PUM2: variants seen among roughly 807,000 people sequenced by gnomAD.
PUM2 encodes the protein pumilio homolog 2.
In PUM2, 57 loss-of-function variants were observed where a neutral mutation model predicts 124.5. That is an observed-to-expected ratio of 0.46 (90% confidence interval 0.37 to 0.57). The LOEUF is 0.57. Ranked by LOEUF, PUM2 falls within the 20% of genes least tolerant of loss-of-function variation. PUM2 has a pLI of 0.00. For missense variants in PUM2, 1,065 were observed against 1,290.6 expected, an observed-to-expected ratio of 0.83 and a Z score of 2.68; for synonymous variants, 460 against 446.1, an observed-to-expected ratio of 1.03 and a Z score of -0.39.
At chr2:20,309,801 G>A (rs1037578044) in intron 5 of PUM2, among the ~76,000 whole-genome samples, 1 of 152,082 alleles carries the variant, frequency 6.6e-6, no homozygotes, top group Admixed American at 6.6e-5. Flanking sequence ...AACATATAGA[G>A]TAGTTTACAA....
rs1268841803 is a variant in PUM2 at position 20,312,090 on chromosome 2, C to T, written c.348+146G>A. On this transcript the variant is annotated intron_variant, in intron 4 of 20. Coordinates refer to ENST00000361078, the MANE Select transcript of PUM2 (RefSeq NM_015317.5). ...CTATCATTTCACGTTTTTCAAGTGGCTAAGCAGAAGAATAGCAATAATAGT... is the reference window on the plus strand; with the variant it reads ...CTATCATTTCACGTTTTTCAAGTGGTTAAGCAGAAGAATAGCAATAATAGT... The T allele has an allele frequency of 2.0e-5, 14 of 709,560 alleles. No individual in the cohort carries two copies. In the East Asian group the frequency reaches 2.2e-4, roughly 11 times the overall value. 44.0% of individuals were successfully genotyped at this position (709,560 alleles called of 1,614,324 possible). A position where few individuals can be genotyped will look rare whatever the true frequency, so the allele number is the denominator to read the frequency against.
At chr2:20,340,792 T>C (rs1345851763) in intron 1 of PUM2, among the ~76,000 whole-genome samples, 1 of 152,114 alleles carries the variant, frequency 6.6e-6, no homozygotes, top group South Asian at 2.1e-4. Context: ...GTCATCATGG[T>C]GTAACAGAAA....
At chr2:20,255,104 C>CT in intron 18 of PUM2, 112 bp downstream of exon 18, 1 of 1,463,924 alleles carries the variant, frequency 6.8e-7, no homozygotes, top group East Asian at 2.4e-5. Flanking sequence ...ATACAACAGC[C>CT]TTTTGTCTCA....
At chr2:20,300,787 GAA>G (rs200897444) in intron 7 of PUM2, among the ~76,000 whole-genome samples, 11 of 61,466 alleles carry the variant, frequency 1.8e-4, no homozygotes, top group Admixed American at 3.7e-4. Flanking sequence ...GATTGAAAGA[GAA>G]AAAAAAAAAA....
chr2:20,261,394 C>CAAAAAAAAAAAAAAAAA lies in PUM2; in HGVS notation c.2226-945_2226-929dup, dbSNP rs200294801. On this transcript the variant is annotated intron_variant, in intron 14 of 20. Coordinates refer to ENST00000361078, the MANE Select transcript of PUM2 (RefSeq NM_015317.5). ...AAGCGACAGAGTGAGACTCTGTCTC[C>CAAAAAAAAAAAAAAAAA]AAAAAAAAAAAAAAAAAAAAAAAAA... is the stretch of plus-strand genomic sequence containing the variant. Among the ~76,000 whole-genome samples, 63 of 76,766 alleles carry CAAAAAAAAAAAAAAAAA rather than the reference C, an allele frequency of 8.2e-4. 14 individuals carry two copies. The highest frequency in any genetic ancestry group is 1.1e-3 in the Non-Finnish European group (41 of 36,894). The allele number at this position is 76,766 out of a possible 152,430, so 50.4% of individuals were successfully genotyped here.
At chr2:20,314,622 T>C (rs1388677803) in intron 3 of PUM2, among the ~76,000 whole-genome samples, 2 of 152,248 alleles carry the variant, frequency 1.3e-5, no homozygotes, top group South Asian at 4.1e-4. Context: ...GGTAGCCAGT[T>C]ATCATTTTAT....
Position 20,294,486 on chromosome 2 carries a change from C to T in PUM2, c.1042G>A (p.Val348Ile), listed in dbSNP as rs373495007. The T allele has an allele frequency of 1.0e-4, 166 of 1,613,864 alleles. No homozygotes were observed. Among genetic ancestry groups the T allele is most frequent in the Non-Finnish European group, 1.3e-4 (155 of 1,180,012 alleles). The part of the protein sequence containing the change: ...PAVVPPQYYG[V>I]PWGVYPANLF... ...TTGGCTGGATACACCCCCCATGGAA[C>T]GCCGTAATACTGAGGTGGAACCACT... Residue 348 changes from valine (V) to isoleucine (I), a missense_variant, in exon 9 of 21, where the codon GTT (valine) becomes ATT (isoleucine). Transcript: ENST00000361078.
chr2:20,292,071 T>C (rs563836890), intron 9 of PUM2, among the ~76,000 whole-genome samples: 2 of 150,138 alleles, frequency 1.3e-5, no homozygotes, highest in South Asian at 2.2e-4. Flanking sequence ...CTTAGTGTCA[T>C]CTTCCTTGAT....
chr2:20,281,156 G>A (rs968227165), intron 12 of PUM2, among the ~76,000 whole-genome samples: 1 of 152,104 alleles, frequency 6.6e-6, no homozygotes, highest in Non-Finnish European at 1.5e-5. Context: ...GGAGAGATAC[G>A]ATGGACTCTT....
rs1267603463 is a variant in PUM2, at chr2:20,278,964, T to C, written c.1721-145A>G. On this transcript the variant is annotated intron_variant, in intron 12 of 20. Coordinates refer to ENST00000361078, the MANE Select transcript of PUM2 (RefSeq NM_015317.5). ...GAGAAGATAATTACTGTGATAACTA[T>C]ATATACTAACTTATTAATCATAAAA... is the stretch of plus-strand genomic sequence containing the variant. 1.2e-5 allele frequency: 8 copies of C among 646,156 alleles called. No homozygotes were observed. In the Admixed American group the frequency reaches 1.4e-4, roughly 11 times the overall value. 40.0% of individuals were successfully genotyped at this position (646,156 alleles called of 1,614,324 possible).
At position 20,344,998 on chromosome 2, in the gene PUM2, A is replaced by G. The variant is rs534378125; in HGVS notation, c.-19+5599T>C. The stretch of plus-strand genomic sequence containing the variant: ...ACTCTGTCTCAAAAAAAAAAAAAAA[A>G]AAAAAAGAAAAGAAGATTCCGCTTT... On this transcript the variant is annotated intron_variant, in intron 1 of 20. Transcript: ENST00000361078. 6.2e-3 allele frequency among the ~76,000 whole-genome samples: 930 copies of G among 150,392 alleles called. 9 individuals are homozygous for G. The highest frequency in any genetic ancestry group is 0.021 in the African/African-American group (855 of 40,972).
intron 14 of PUM2, among the ~76,000 whole-genome samples, chr2:20,261,153 G>A (rs1365431406): frequency 6.6e-6 from 1 of 152,078 alleles, no homozygotes; most frequent in Admixed American, 6.5e-5. Context: ...CACTCTGGGA[G>A]GCAGAGGTGG....
chr2:20,334,949 C>T (rs1335940310), intron 1 of PUM2, among the ~76,000 whole-genome samples: 2 of 152,106 alleles, frequency 1.3e-5, no homozygotes, highest in East Asian at 3.8e-4. Context: ...CCTCCTTGGA[C>T]TGTTTTGTTT....
At chr2:20,271,533 C>T (rs1044004308) in intron 13 of PUM2, among the ~76,000 whole-genome samples, 2 of 152,028 alleles carry the variant, frequency 1.3e-5, no homozygotes, top group Non-Finnish European at 2.9e-5. Flanking sequence ...AGGCTGGTCT[C>T]GAACTCCTGA....
In PUM2 at chr2:20,290,779, A is replaced by T; in HGVS notation, c.1164T>A (p.Ala388=). 1 of 1,592,546 alleles carries T rather than the reference A, an allele frequency of 6.3e-7. No individual in the cohort carries two copies. Among genetic ancestry groups the T allele is most frequent in the Non-Finnish European group, 8.5e-7 (1 of 1,173,098 alleles). Reference sequence around the variant, plus strand: ...GAGTAAGAGGACGCTGACCTGCTCCAGCACGGAGAACCTACAAAGGTAAAA... The same window carrying T: ...GAGTAAGAGGACGCTGACCTGCTCCTGCACGGAGAACCTACAAAGGTAAAA... ...AQPGQQQVLR[A]GAGQRPLTPN... is the part of the protein sequence containing the mutation. The change falls in exon 10 of 21, where the codon GCT becomes GCA. Residue 388 remains alanine (A), a synonymous_variant. Coordinates refer to ENST00000361078, the MANE Select transcript of PUM2 (RefSeq NM_015317.5).
At chr2:20,329,549 G>A (rs1684459142) in intron 1 of PUM2, among the ~76,000 whole-genome samples, 1 of 152,110 alleles carries the variant, frequency 6.6e-6, no homozygotes, top group Non-Finnish European at 1.5e-5. Context: ...AGAGAAGGCT[G>A]GAAGTTATTA....
At chr2:20,254,784 T>A (rs1664362729) in intron 19 of PUM2, 79 bp downstream of exon 19, 1 of 1,424,460 alleles carries the variant, frequency 7.0e-7, no homozygotes, top group Non-Finnish European at 9.6e-7. Flanking sequence ...TGCTACATGC[T>A]ACACGTATTT....
At chr2:20,341,769 G>A (rs1687269294) in intron 1 of PUM2, among the ~76,000 whole-genome samples, 1 of 152,156 alleles carries the variant, frequency 6.6e-6, no homozygotes, top group Non-Finnish European at 1.5e-5. Flanking sequence ...GGCTATCTTA[G>A]TAATTTTCAA....
intron 1 of PUM2, among the ~76,000 whole-genome samples, chr2:20,335,395 A>C (rs535868345): frequency 6.6e-6 from 1 of 152,380 alleles, no homozygotes; most frequent in Admixed American, 6.5e-5. Context: ...TTCACATGAC[A>C]AAAGTAAATC....
Sources: allele counts gnomAD v4.1 joint callset (sites outside exome capture counted in the v4.1 genomes callset), GRCh38; gene constraint gnomAD v4.1.1; transcripts MANE v1.5; gene names NCBI Gene and HGNC (gene_info 2026-07-23, HGNC 2026-07-21).